The following ANK3 variants were observed in gnomAD, a reference collection of about 807,000 sequenced individuals.
The protein encoded by ANK3 is ankyrin-3.
In ANK3, 57 loss-of-function variants were observed where a neutral mutation model predicts 370.9. The observed-to-expected ratio is 0.15, with a 90% CI of 0.12 to 0.19. The LOEUF is 0.19. ANK3 is among the 10% of genes least tolerant of loss of function. The probability of loss-of-function intolerance (pLI) is 1.00; values close to 1 mark genes in which losing one functional copy is unlikely to be tolerated. For missense variants in ANK3, 4,439 were observed against 5,302.1 expected (o/e 0.84, Z 5.06); for synonymous variants, 1,929 against 1,946.3 (o/e 0.99, Z 0.23).
chr10:60,226,489 A>T (rs2097149569), intron 8 of ANK3, among the ~76,000 whole-genome samples: 1 of 94,296 alleles, frequency 1.1e-5, no homozygotes, highest in African/African-American at 6.6e-5. Context: ...CTATATATAT[A>T]CATATACTAT....
upstream of ANK3, among the ~76,000 whole-genome samples, chr10:60,390,729 A>AACACACACACAC (rs572520321): frequency 1.4e-4 from 15 of 107,012 alleles, no homozygotes; most frequent in African/African-American, 5.3e-4. Flanking sequence ...TAAAAAAAAG[A>AACACACACACAC]ACACACACAC....
Position 60,264,062 on chromosome 10 carries a change from T to C in ANK3, c.514-42A>G, listed in dbSNP as rs772059792. The C allele has an allele frequency of 1.2e-5, 18 of 1,518,104 alleles. No homozygotes were observed. In the South Asian group the frequency reaches 2.3e-4, roughly 19 times the overall value. 94.0% of individuals were successfully genotyped at this position (1,518,104 alleles called of 1,614,324 possible). On this transcript the variant is annotated intron_variant, in intron 5 of 43. Transcript: ENST00000280772. The stretch of plus-strand genomic sequence containing the variant: ...GGGTCAAGATGGGCTCCAATGAATA[T>C]TTTCTTTTTTATTAAATTAACAAAT...
At chr10:60,556,929 G>A (rs965097351) in intron 2 of ANK3, among the ~76,000 whole-genome samples, 1 of 152,214 alleles carries the variant, frequency 6.6e-6, no homozygotes, top group South Asian at 2.1e-4. Context: ...ATAGGAGCAT[G>A]AGCCCTGTTG....
chr10:60,236,143 C>T (rs2097329583), intron 7 of ANK3, among the ~76,000 whole-genome samples: 1 of 152,012 alleles, frequency 6.6e-6, no homozygotes, highest in Non-Finnish European at 1.5e-5. Flanking sequence ...CTTTTATGCT[C>T]CCTACTGTTT....
intron 23 of ANK3, among the ~76,000 whole-genome samples, chr10:60,158,685 C>CTTTTTTTGTTTTT (rs1555028780): frequency 7.5e-6 from 1 of 132,710 alleles, no homozygotes; most frequent in Non-Finnish European, 1.6e-5. Flanking sequence ...CACTTTTTTT[C>CTTTTTTTGTTTTT]TTTTTTTTGA....
intron 1 of ANK3, among the ~76,000 whole-genome samples, chr10:60,642,653 A>T (rs1164647939): frequency 1.3e-5 from 2 of 152,052 alleles, no homozygotes; most frequent in East Asian, 3.9e-4. Flanking sequence ...GGCGAGGGAT[A>T]GCATTAGGAG....
chr10:60,512,994 G>A (rs1429743620), intron 2 of ANK3, among the ~76,000 whole-genome samples: 1 of 152,072 alleles, frequency 6.6e-6, no homozygotes, highest in Non-Finnish European at 1.5e-5. Context: ...GCTGAATCAT[G>A]AACAACTTTA....
chr10:60,401,608 G>C (rs576207015), intron 2 of ANK3, among the ~76,000 whole-genome samples: 6 of 152,236 alleles, frequency 3.9e-5, no homozygotes, highest in African/African-American at 1.4e-4. Flanking sequence ...CATTCAAGTA[G>C]TTTTACAATC....
intron 2 of ANK3, among the ~76,000 whole-genome samples, chr10:60,494,756 T>C (rs570369653): frequency 6.6e-6 from 1 of 152,208 alleles, no homozygotes; most frequent in Non-Finnish European, 1.5e-5. Flanking sequence ...TATATGTTTC[T>C]GGGAACATGA....
In ANK3 at chr10:60,186,700, A is replaced by G. The variant is rs1167274448; in HGVS notation, c.2085+15T>C. The G allele has an allele frequency of 3.1e-6, 5 of 1,613,468 alleles. No individual in the cohort carries two copies. The Admixed American group carries it at 5.0e-5, about 16-fold the overall frequency. On this transcript the variant is annotated intron_variant, in intron 17 of 43. Coordinates refer to ENST00000280772, the MANE Select transcript of ANK3 (RefSeq NM_020987.5). Reference sequence around the variant, plus strand: ...TTGGTGTGCTGCATGCTTTGTCAAGAAAGAAGTGGGTTACCTTATTGCTCA... The same window carrying G: ...TTGGTGTGCTGCATGCTTTGTCAAGGAAGAAGTGGGTTACCTTATTGCTCA...
chr10:60,146,436 A>G (rs748542298), intron 23 of ANK3, among the ~76,000 whole-genome samples: 8 of 152,126 alleles, frequency 5.3e-5, no homozygotes, highest in Non-Finnish European at 7.3e-5. Flanking sequence ...CAGTTTTTCA[A>G]TCCTCACCTT....
At chr10:60,240,187 T>C (rs9665715) in intron 7 of ANK3, among the ~76,000 whole-genome samples, 11 of 139,640 alleles carry the variant, frequency 7.9e-5, no homozygotes, top group South Asian at 2.2e-4. Flanking sequence ...TATATACACA[T>C]ATATATACAC....
chr10:60,182,688 A>T (rs1189445096), intron 17 of ANK3, among the ~76,000 whole-genome samples: 1 of 152,196 alleles, frequency 6.6e-6, no homozygotes, highest in Non-Finnish European at 1.5e-5. Flanking sequence ...GATGTGAAAC[A>T]TTATTTATTC....
chr10:60,081,585 A>G (rs1461381054), intron 35 of ANK3: 1 of 396,314 alleles, frequency 2.5e-6, no homozygotes, highest in East Asian at 7.1e-5. Flanking sequence ...AATAGCTAGT[A>G]AGCAAATATT....
At chr10:60,079,225 A>ACACACACACACC (rs376356885) in intron 36 of ANK3, among the ~76,000 whole-genome samples, 215 of 142,710 alleles carry the variant, frequency 1.5e-3, no homozygotes, top group African/African-American at 4.9e-3. Flanking sequence ...ACACACACAC[A>ACACACACACACC]CCCCTCTTCT....
intron 1 of ANK3, among the ~76,000 whole-genome samples, chr10:60,322,026 C>T (rs996439885): frequency 6.6e-6 from 1 of 152,122 alleles, no homozygotes; most frequent in Non-Finnish European, 1.5e-5. Flanking sequence ...TACTGTAGTG[C>T]CCTATGGTGA....
At chr10:60,628,779 C>T (rs1014473998) in intron 1 of ANK3, among the ~76,000 whole-genome samples, 1 of 152,152 alleles carries the variant, frequency 6.6e-6, no homozygotes, top group Non-Finnish European at 1.5e-5. Flanking sequence ...ATCTAATTTG[C>T]TGACTTGTTG....
intron 1 of ANK3, among the ~76,000 whole-genome samples, chr10:60,646,689 G>A (rs1588967241): frequency 6.6e-6 from 1 of 152,102 alleles, no homozygotes; most frequent in Admixed American, 6.6e-5. Flanking sequence ...CGTGACCTGA[G>A]GAACCCCAAC....
At chr10:60,672,065 C>T (rs7893797) in intron 1 of ANK3, among the ~76,000 whole-genome samples, 50,347 of 152,112 alleles carry the variant, frequency 0.33, 8,526 homozygotes, top group African/African-American at 0.36. Context: ...TGTTCTAAGC[C>T]GCTAAGTGTT....
Sources: gnomAD v4.1 joint callset for allele counts (sites outside exome capture counted in the v4.1 genomes callset) on GRCh38, gnomAD v4.1.1 for gene constraint, MANE v1.5 for transcripts, NCBI Gene and HGNC (gene_info 2026-07-23, HGNC 2026-07-21) for gene names.